The following TPRX1 variants were observed in gnomAD, a reference collection of about 807,000 sequenced individuals.
The protein encoded by TPRX1 is tetrapeptide repeat homeobox 1, also known as tetra-peptide repeat homeobox protein 1.
In TPRX1, 2 loss-of-function variants were observed where a neutral mutation model predicts 8.1. That is an observed-to-expected ratio of 0.25 (90% CI 0.10 to 0.78). The LOEUF is 0.78. Among genes scored for constraint, TPRX1 ranks in the 30% least tolerant of loss-of-function variants. TPRX1 has a pLI of 0.70. For missense variants in TPRX1, 517 were observed against 586.9 expected (o/e 0.88, Z 1.23); for synonymous variants, 257 against 254.1 (o/e 1.01, Z -0.11).
exon 4 of TPRX1, chr19:47,802,693 T>C: frequency 2.5e-6 from 4 of 1,578,016 alleles, no homozygotes; most frequent in Non-Finnish European, 3.4e-6. Flanking sequence ...GGATCTGGGC[T>C]GGGCCTGGGA....
chr19:47,818,873 C>T, intron 1 of TPRX1: 1 of 273,858 alleles, frequency 3.7e-6, no homozygotes, highest in Non-Finnish European at 7.3e-6. Flanking sequence ...AGGTATTTCT[C>T]CTAATGCTAT....
chr19:47,803,003 A>C, intron 3 of TPRX1, 23 bp from the exon 3 acceptor site: 1 of 1,533,260 alleles, frequency 6.5e-7, no homozygotes, highest in Non-Finnish European at 8.7e-7. Context: ...GGGGACAGGG[A>C]GAAGGTGTGA....
At chr19:47,815,114 T>TTATATATATATATATATATGCAAATA (rs1555799966) in intron 2 of TPRX1, among the ~76,000 whole-genome samples, 7 of 63,370 alleles carry the variant, frequency 1.1e-4, no homozygotes, top group Admixed American at 4.8e-4. Flanking sequence ...AATAGATAAA[T>TTATATATATATATATATATGCAAATA]TATATATATA....
At chr19:47,812,545 C>T (rs1324107987) in intron 2 of TPRX1, among the ~76,000 whole-genome samples, 1 of 151,606 alleles carries the variant, frequency 6.6e-6, no homozygotes, top group Non-Finnish European at 1.5e-5. Context: ...ACCGGCCTGG[C>T]CAATATGGTG....
intron 2 of TPRX1, among the ~76,000 whole-genome samples, chr19:47,808,121 T>C (rs1044821765): frequency 6.6e-6 from 1 of 151,780 alleles, no homozygotes; most frequent in African/African-American, 2.4e-5. Context: ...TTTATTTTCT[T>C]TATTTGTTTT....
At position 47,810,593 on chromosome 19, in the gene TPRX1, C is replaced by T. The variant is rs568715037; in HGVS notation, c.152-6920G>A. 1.3e-4 allele frequency among the ~76,000 whole-genome samples: 19 copies of T among 151,948 alleles called. No homozygotes were observed. The East Asian group carries it at 1.8e-3, about 14-fold the overall frequency. ...TGAACTCCTGACCCTGTGGTCTGCC[C>T]GCCTCAGCCTCCCAAAGTGCTGGGA... is the stretch of plus-strand genomic sequence containing the variant. On this transcript the variant is annotated intron_variant, in intron 2 of 3. Coordinates refer to ENST00000535759, the Ensembl canonical transcript of TPRX1.
exon 4 of TPRX1, chr19:47,802,386 CTGGGAT>C (rs1967680476): frequency 1.0e-6 from 1 of 998,102 alleles, no homozygotes; most frequent in Non-Finnish European, 1.4e-6. Context: ...GAGATTGGGC[CTGGGAT>C]CGGGCCTGGG....
intron 2 of TPRX1, among the ~76,000 whole-genome samples, chr19:47,813,970 G>T (rs1967808846): frequency 6.7e-6 from 1 of 148,410 alleles, no homozygotes; most frequent in South Asian, 2.1e-4. Flanking sequence ...GTGGGGGTGG[G>T]GTGGGGAGAG....
chr19:47,807,165 C>T (rs1967742653), intron 2 of TPRX1, among the ~76,000 whole-genome samples: 1 of 152,162 alleles, frequency 6.6e-6, no homozygotes, highest in Non-Finnish European at 1.5e-5. Flanking sequence ...CTCGGCCTCC[C>T]AAAGTGCTGG....
At chr19:47,809,122 T>C (rs1221763482) in intron 2 of TPRX1, among the ~76,000 whole-genome samples, 1 of 152,138 alleles carries the variant, frequency 6.6e-6, no homozygotes, top group Non-Finnish European at 1.5e-5. Flanking sequence ...TAGGAAAAGC[T>C]CAAAGGTGCT....
At chr19:47,811,608 C>T (rs1251492294) in intron 2 of TPRX1, among the ~76,000 whole-genome samples, 1 of 151,490 alleles carries the variant, frequency 6.6e-6, no homozygotes, top group Non-Finnish European at 1.5e-5. Context: ...AAGCGATTCT[C>T]CTGCCTCAGC....
exon 4 of TPRX1, chr19:47,802,691 G>A: frequency 1.3e-6 from 2 of 1,571,482 alleles, no homozygotes; most frequent in South Asian, 2.3e-5. Context: ...TGGGATCTGG[G>A]CTGGGCCTGG....
intron 2 of TPRX1, among the ~76,000 whole-genome samples, 174 bp downstream of exon 1, chr19:47,804,341 C>A (rs557475899): frequency 6.6e-6 from 1 of 151,974 alleles, no homozygotes; most frequent in East Asian, 1.9e-4. Flanking sequence ...AGGCGTGAGA[C>A]GCTACACCCA....
rs762098389 is a variant in TPRX1, at chr19:47,810,344, A to ATTT, written c.152-6674_152-6672dup. The stretch of plus-strand genomic sequence containing the variant: ...ACAATGGCTCTCTCCTTATCCATCA[A>ATTT]TTTTTTTTTTTTTTTTTTTTTTGAG... On this transcript the variant is annotated intron_variant, in intron 2 of 3. Coordinates refer to ENST00000535759, the Ensembl canonical transcript of TPRX1. Among the ~76,000 whole-genome samples the ATTT allele has an allele frequency of 1.7e-3, 161 of 93,326 alleles. 17 individuals carry two copies. Among genetic ancestry groups the ATTT allele is most frequent in the Middle Eastern group, 0.016 (2 of 126 alleles). 61.2% of individuals were successfully genotyped at this position (93,326 alleles called of 152,430 possible).
Position 47,807,616 on chromosome 19 carries a change from G to A in TPRX1, c.152-3943C>T, listed in dbSNP as rs144068088. Among the ~76,000 whole-genome samples the A allele has an allele frequency of 9.9e-5, 15 of 152,146 alleles. No individual in the cohort carries two copies. The East Asian group carries it at 2.3e-3, about 24-fold the overall frequency. On this transcript the variant is annotated intron_variant, in intron 2 of 3. Coordinates refer to ENST00000535759, the Ensembl canonical transcript of TPRX1. ...TCGAACTCCTGGCCTCAAGTAATTC[G>A]CTCTCCTTAGCTTCTCAAAGTGCTG...
chr19:47,817,294 A>C lies in TPRX1; in HGVS notation c.151+1174T>G, dbSNP rs190143862. Among the ~76,000 whole-genome samples, 42 of 152,300 alleles carry C rather than the reference A, an allele frequency of 2.8e-4. 1 individual carries two copies. Among genetic ancestry groups the C allele is most frequent in the African/African-American group, 9.9e-4 (41 of 41,568 alleles). ...CTCAGGGAACAATAACTCCATGGAA[A>C]CTTCCTCCCAGGCGGCTTCTGGTAT... On this transcript the variant is annotated intron_variant, in intron 2 of 3. Coordinates refer to ENST00000535759, the Ensembl canonical transcript of TPRX1.
At chr19:47,816,698 A>AT (rs1019987108) in intron 2 of TPRX1, among the ~76,000 whole-genome samples, 3 of 150,066 alleles carry the variant, frequency 2.0e-5, no homozygotes, top group African/African-American at 7.4e-5. Flanking sequence ...ACGCCCGGCT[A>AT]TTTTTTGTAT....
chr19:47,802,781 C>G, exon 4 of TPRX1: 1 of 1,605,556 alleles, frequency 6.2e-7, no homozygotes. Context: ...AGGGCCACCC[C>G]AGGCCTGGTG....
At chr19:47,815,151 TATATATA>T (rs1568617416) in intron 2 of TPRX1, among the ~76,000 whole-genome samples, 5 of 81,894 alleles carry the variant, frequency 6.1e-5, no homozygotes, top group African/African-American at 2.5e-4. Context: ...TATGCAAATA[TATATATA>T]TATATTTTTT....
Sources: allele counts gnomAD v4.1 joint callset (sites outside exome capture counted in the v4.1 genomes callset), GRCh38; gene constraint gnomAD v4.1.1; transcripts MANE v1.5; gene names NCBI Gene and HGNC (gene_info 2026-07-23, HGNC 2026-07-21).